The following DGKZ variants were observed in gnomAD, a reference collection of about 807,000 sequenced individuals.
DGKZ encodes DAG kinase zeta.
DGKZ carries 45 observed loss-of-function variants against 142.5 expected under a neutral mutation model. That is an observed-to-expected ratio of 0.32 (90% CI 0.25 to 0.40). The LOEUF is 0.40. Ranked by LOEUF, DGKZ falls within the 10% of genes least tolerant of loss-of-function variation. The pLI is 1.00. For missense variants in DGKZ, 755 were observed against 1,306.5 expected (o/e 0.58, Z 6.51); for synonymous variants, 442 against 527.0 (o/e 0.84, Z 2.21).
chr11:46,373,885 G>A (rs908211121), intron 14 of DGKZ, among the ~76,000 whole-genome samples: 8 of 152,212 alleles, frequency 5.3e-5, no homozygotes, highest in Admixed American at 2.0e-4. Context: ...ACCAAGCCTC[G>A]CTGTTGTGCT....
rs769099578 is a variant in DGKZ at position 46,373,127 on chromosome 11, G to A, written c.1326+26G>A. 42 of 1,529,886 alleles carry A rather than the reference G, an allele frequency of 2.7e-5. 1 individual carries two copies. The East Asian group carries it at 6.5e-4, about 23-fold the overall frequency. The allele number at this position is 1,529,886 out of a possible 1,614,324, so 94.8% of individuals were successfully genotyped here. On this transcript the variant is annotated intron_variant, in intron 14 of 30. Coordinates refer to ENST00000527911, the Ensembl canonical transcript of DGKZ. ...GTAAGTTGGCCAGGGTTGGTGGGGG[G>A]CAGGGCAGGTGACTGGGGACTGGAT...
intron 1 of DGKZ, among the ~76,000 whole-genome samples, chr11:46,349,708 C>G (rs1236268790): frequency 2.0e-5 from 3 of 152,136 alleles, no homozygotes; most frequent in Non-Finnish European, 4.4e-5. Flanking sequence ...GCCTGTTTCT[C>G]CATTTTTATA....
At chr11:46,374,440 A>T (rs201266880) in exon 16 of DGKZ, 1 of 1,613,844 alleles carries the variant, frequency 6.2e-7, no homozygotes, top group Non-Finnish European at 8.5e-7. Flanking sequence ...TCGGAATAAG[A>T]TGTTCTACGC....
chr11:46,375,123 G>A (rs1944392770), intron 19 of DGKZ, 78 bp downstream of exon 19: 1 of 1,330,976 alleles, frequency 7.5e-7, no homozygotes, highest in Non-Finnish European at 1.0e-6. Flanking sequence ...ACCTCCATGG[G>A]CCACGGCGGC....
intron 1 of DGKZ, chr11:46,366,846 C>G (rs1375600587): frequency 1.3e-6 from 2 of 1,546,674 alleles, no homozygotes; most frequent in Non-Finnish European, 1.7e-6. Context: ...GGCCAGCACC[C>G]TGGCCCTGGG....
intron 29 of DGKZ, 56 bp downstream of exon 29, chr11:46,379,292 A>G: frequency 6.2e-7 from 1 of 1,604,986 alleles, no homozygotes; most frequent in Non-Finnish European, 8.5e-7. Flanking sequence ...CCTTTTCCCC[A>G]CCCCTCCCAT....
chr11:46,371,460 C>G (rs1330800996), intron 7 of DGKZ, 27 bp from the exon 8 acceptor site: 1 of 1,602,098 alleles, frequency 6.2e-7, no homozygotes, highest in Non-Finnish European at 8.5e-7. Context: ...CACGGTCCCG[C>G]TGAGCCCGGC....
rs1277544242 is a variant in DGKZ, at chr11:46,370,782, T to A, written c.571-531T>A. ...GGCTTATCTTATACATATTTTTTTT[T>A]ATTTTAAAAAATGTGTTCAGACTGG... On this transcript the variant is annotated intron_variant, in intron 6 of 30. Transcript: ENST00000527911. Among the ~76,000 whole-genome samples the A allele has an allele frequency of 3.3e-5, 5 of 152,184 alleles. No homozygotes were observed. The East Asian group carries it at 9.6e-4, about 29-fold the overall frequency.
Position 46,365,388 on chromosome 11 carries a change from G to A in DGKZ, c.162-1903G>A, listed in dbSNP as rs553406593. 1.1e-4 allele frequency: 104 copies of A among 985,404 alleles called. 1 individual carries two copies. In the African/African-American group the frequency reaches 1.7e-3, roughly 16 times the overall value. The allele number at this position is 985,404 out of a possible 1,614,324, so 61.0% of individuals were successfully genotyped here. A position where few individuals can be genotyped will look rare whatever the true frequency, so the allele number is the denominator to read the frequency against. ...TTCAGAAAGGTGAGACAGAGCAGTC[G>A]AGCACCAGAAAGTTCTTACCATCAG... On this transcript the variant is annotated intron_variant, in intron 1 of 30. Coordinates refer to ENST00000527911, the Ensembl canonical transcript of DGKZ.
chr11:46,349,994 A>C (rs937087528), intron 1 of DGKZ, among the ~76,000 whole-genome samples: 1 of 152,210 alleles, frequency 6.6e-6, no homozygotes, highest in African/African-American at 2.4e-5. Context: ...AAGTTTGAGA[A>C]GCACAGTAGT....
upstream of DGKZ, chr11:46,345,373 A>C: frequency 2.2e-6 from 3 of 1,384,408 alleles, no homozygotes; most frequent in South Asian, 1.6e-5. This position sits in a 1 kb window ranked among gnomAD's most constrained non-coding sequence, Gnocchi z 4.1. Context: ...CACCCCCGTC[A>C]GGAAGTGCCG....
At chr11:46,359,145 A>C (rs909869505) in intron 1 of DGKZ, among the ~76,000 whole-genome samples, 1 of 149,744 alleles carries the variant, frequency 6.7e-6, no homozygotes. Flanking sequence ...ATCTCAAAAA[A>C]AAAATAATAA....
intron 24 of DGKZ, 76 bp downstream of exon 24, chr11:46,376,640 G>C: frequency 6.3e-7 from 1 of 1,580,218 alleles, no homozygotes; most frequent in Non-Finnish European, 8.6e-7. Context: ...CGCCTTCCCT[G>C]TTAGCTCCCC....
intron 1 of DGKZ, among the ~76,000 whole-genome samples, chr11:46,353,332 AC>A (rs964639551): frequency 6.6e-6 from 1 of 152,116 alleles, no homozygotes; most frequent in African/African-American, 2.4e-5. Flanking sequence ...CCATCCCTAA[AC>A]TGGGAAGACC....
intron 1 of DGKZ, among the ~76,000 whole-genome samples, chr11:46,355,149 C>T (rs765297984): frequency 1.3e-5 from 2 of 152,148 alleles, no homozygotes; most frequent in Admixed American, 6.6e-5. Context: ...CTCACTCTCG[C>T]CCAGGCTAGA....
chr11:46,363,277 A>G (rs1056983849), intron 1 of DGKZ, among the ~76,000 whole-genome samples: 2 of 152,202 alleles, frequency 1.3e-5, no homozygotes, highest in Non-Finnish European at 2.9e-5. Flanking sequence ...CAGGAAACTC[A>G]GGCCTGCGGG....
upstream of DGKZ, among the ~76,000 whole-genome samples, chr11:46,346,661 G>A (rs925586403): frequency 6.6e-6 from 1 of 152,134 alleles, no homozygotes; most frequent in African/African-American, 2.4e-5. Flanking sequence ...GTTCTGTGTG[G>A]GCATGTGTGC....
intron 1 of DGKZ, chr11:46,366,836 G>C: frequency 1.3e-6 from 2 of 1,546,130 alleles, no homozygotes; most frequent in Non-Finnish European, 1.7e-6. Context: ...GCGGCCCTCA[G>C]GCCAGCACCC....
At position 46,371,832 on chromosome 11, in the gene DGKZ, C is replaced by T. The variant is rs1383749033; in HGVS notation, c.831+57C>T. The T allele has an allele frequency of 5.0e-5, 78 of 1,567,996 alleles. No homozygotes were observed. The East Asian group carries it at 1.6e-3, about 33-fold the overall frequency. On this transcript the variant is annotated intron_variant, in intron 9 of 30. Transcript: ENST00000527911. The stretch of plus-strand genomic sequence containing the variant: ...GAGCAGGAGAGAGGGGTCTGTTGCT[C>T]AGGGTACAGAACTTCCACCCCCAGC...
Sources: allele counts gnomAD v4.1 joint callset (sites outside exome capture counted in the v4.1 genomes callset), GRCh38; gene constraint gnomAD v4.1.1; non-coding constraint Gnocchi (gnomAD v3.1); transcripts MANE v1.5; gene names NCBI Gene and HGNC (gene_info 2026-07-23, HGNC 2026-07-21).